PLOD1: variants seen among roughly 807,000 people sequenced by gnomAD.
PLOD1 encodes lysine hydroxylase.
PLOD1 carries 70 observed loss-of-function variants against 94.7 expected under a neutral mutation model. The observed-to-expected ratio is 0.74, with a 90% CI of 0.61 to 0.90. The LOEUF is 0.90. Ranked by LOEUF, PLOD1 falls within the 40% of genes least tolerant of loss-of-function variation. PLOD1 has a pLI of 0.00. For missense variants in PLOD1, 905 were observed against 972.7 expected, an observed-to-expected ratio of 0.93 and a Z score of 0.93; for synonymous variants, 417 against 400.2, an observed-to-expected ratio of 1.04 and a Z score of -0.50.
At chr1:11,954,998 C>A in intron 6 of PLOD1, 105 bp downstream of exon 6, 2 of 899,000 alleles carry the variant, frequency 2.2e-6, no homozygotes, top group Non-Finnish European at 3.7e-6. Flanking sequence ...TCTTTCTGGC[C>A]ATTGTGCTGA....
intron 9 of PLOD1, 102 bp from the exon 10 acceptor site, chr1:11,960,544 G>A (rs1645770565): frequency 1.1e-6 from 1 of 872,148 alleles, no homozygotes; most frequent in African/African-American, 1.6e-5. Context: ...TGCCAGAGAT[G>A]AAGGGGCACA....
At chr1:11,941,224 CTTTG>C (rs926532738) in intron 1 of PLOD1, among the ~76,000 whole-genome samples, 28 of 152,222 alleles carry the variant, frequency 1.8e-4, no homozygotes, top group Admixed American at 3.3e-4. Context: ...CCTAAAAGTA[CTTTG>C]TTTGTTTGTT....
chr1:11,960,817 T>C, intron 10 of PLOD1, 50 bp downstream of exon 10: 1 of 1,608,206 alleles, frequency 6.2e-7, no homozygotes, highest in Non-Finnish European at 8.5e-7. Context: ...GCAGGGGAGC[T>C]GTGGCTGTGG....
intron 4 of PLOD1, among the ~76,000 whole-genome samples, chr1:11,951,572 T>C (rs1458084762): frequency 6.9e-6 from 1 of 145,448 alleles, no homozygotes; most frequent in Admixed American, 7.0e-5. Flanking sequence ...AAAATAATAC[T>C]ATATTTTTTT....
chr1:11,950,209 A>G, intron 3 of PLOD1, 148 bp from the exon 4 acceptor site: 1 of 792,180 alleles, frequency 1.3e-6, no homozygotes, highest in East Asian at 2.5e-5. Flanking sequence ...GCAGACAGAG[A>G]CAGGTCCATT....
At chr1:11,947,252 A>C (rs1205656211) in intron 1 of PLOD1, among the ~76,000 whole-genome samples, 10 of 150,418 alleles carry the variant, frequency 6.6e-5, no homozygotes, top group African/African-American at 2.5e-4. Context: ...AAAAAAAACA[A>C]AAACAAACAA....
rs899107980 is a variant in PLOD1 at position 11,963,625 on chromosome 1, C to A, written c.1191C>A (p.Ile397=). 2 of 1,593,158 alleles carry A rather than the reference C, an allele frequency of 1.3e-6. No homozygotes were observed. The highest frequency in any genetic ancestry group is 1.7e-6 in the Non-Finnish European group (2 of 1,170,068). ...LTEPNSLRLL[I]QQNKNVIAPL... is the part of the protein sequence containing the mutation. ...AGCCCAACAGCCTGCGGCTGCTGAT[C>A]CAACAGAACAAGTGAGGCTGCTCCG... Residue 397 remains isoleucine, a synonymous_variant, in exon 11 of 19, where the codon ATC becomes ATA. Transcript: ENST00000196061. The surrounding 1 kb of genome is among the most constrained non-coding windows in gnomAD (Gnocchi z 4.3).
chr1:11,961,371 G>A (rs1347499732), intron 10 of PLOD1, among the ~76,000 whole-genome samples: 1 of 152,184 alleles, frequency 6.6e-6, no homozygotes. Context: ...GAAACAGAGC[G>A]AGACCTTGTC....
chr1:11,951,427 G>A (rs912656835), intron 4 of PLOD1, among the ~76,000 whole-genome samples: 1 of 151,802 alleles, frequency 6.6e-6, no homozygotes. Context: ...GTAGCCGGGC[G>A]TGGTGGTACA....
rs1193197262 is a variant in PLOD1, at chr1:11,934,773, C to G, written c.-7C>G. 2 of 1,535,744 alleles carry G rather than the reference C, an allele frequency of 1.3e-6. No individual in the cohort carries two copies. Among genetic ancestry groups the G allele is most frequent in the East Asian group, 5.0e-5 (2 of 40,392 alleles). On this transcript the variant is annotated 5_prime_UTR_variant, in exon 1 of 19. Coordinates refer to ENST00000196061, the MANE Select transcript of PLOD1 (RefSeq NM_000302.4). Reference sequence around the variant, plus strand: ...CGGGTCGGCCGATCGTCCCCCATACCTCGGCCATGCGGCCCCTGCTGCTAC... The same window carrying G: ...CGGGTCGGCCGATCGTCCCCCATACGTCGGCCATGCGGCCCCTGCTGCTAC...
At position 11,964,734 on chromosome 1, in the gene PLOD1, C is replaced by A; in HGVS notation, c.1419C>A (p.His473Gln). 6.2e-7 allele frequency: 1 copy of A among 1,613,742 alleles called. No homozygotes were observed. Among genetic ancestry groups the A allele is most frequent in the Non-Finnish European group, 8.5e-7 (1 of 1,180,006 alleles). The change falls in exon 13 of 19, where the codon CAC becomes CAA. Residue 473 changes from histidine to glutamine, a missense_variant. Physicochemically the swap from His to Gln is conservative, Grantham distance 24 (BLOSUM62 0). Coordinates refer to ENST00000196061, the MANE Select transcript of PLOD1 (RefSeq NM_000302.4). ...AGCTGCAGTCCTCAGATCTCTTCCA[C>A]CACAGCAAGCTGGACCCCGACATGG... ...RGELQSSDLF[H>Q]HSKLDPDMAF...
chr1:11,950,625 T>A (rs1645694501), intron 4 of PLOD1, 105 bp downstream of exon 4: 1 of 988,880 alleles, frequency 1.0e-6, no homozygotes, highest in Non-Finnish European at 1.6e-6. Context: ...CTCACAGGTC[T>A]CCAGTGCAGA....
chr1:11,964,294 G>A lies in PLOD1; in HGVS notation c.1322G>A (p.Arg441Gln), dbSNP rs934141011. Residue 441 changes from arginine (R) to glutamine (Q), a missense_variant, in exon 12 of 19, where the codon CGG (arginine) becomes CAG (glutamine). By Grantham distance (43) the Arg-to-Gln change is conservative. Transcript: ENST00000196061. ...SEDYVDIVQG[R>Q]RVGVWNVPYI... ...GACTACGTGGACATTGTGCAGGGGC[G>A]GCGTGTGTGAGTACCTGCAGGGTGG... 8.7e-6 allele frequency: 14 copies of A among 1,611,278 alleles called. No individual in the cohort carries two copies. Among genetic ancestry groups the A allele is most frequent in the Admixed American group, 1.7e-5 (1 of 59,826 alleles).
intron 4 of PLOD1, among the ~76,000 whole-genome samples, chr1:11,951,198 A>G (rs1335864203): frequency 6.6e-6 from 1 of 152,022 alleles, no homozygotes; most frequent in Non-Finnish European, 1.5e-5. Flanking sequence ...GAGCCTCCTT[A>G]CTGCTCTGCC....
rs1645727887 is a variant in PLOD1 at position 11,954,913 on chromosome 1, A to G, written c.643+20A>G. 1 of 1,589,712 alleles carries G rather than the reference A, an allele frequency of 6.3e-7. No homozygotes were observed. The highest frequency in any genetic ancestry group is 8.6e-7 in the Non-Finnish European group (1 of 1,158,014). ...CCTTGGGTGAGCAGCCCCCACGGGG[A>G]GGGGTGGATCCTCAGAGGGGTGATA... is the stretch of plus-strand genomic sequence containing the variant. On this transcript the variant is annotated intron_variant, in intron 6 of 18. Transcript: ENST00000196061.
chr1:11,949,396 G>A (rs1218853645), intron 2 of PLOD1, among the ~76,000 whole-genome samples: 3 of 151,974 alleles, frequency 2.0e-5, no homozygotes. Flanking sequence ...AGAGTTGCTG[G>A]ACCCACAGGA....
chr1:11,965,240 A>AT (rs1362215829), intron 13 of PLOD1, among the ~76,000 whole-genome samples: 1 of 149,232 alleles, frequency 6.7e-6, no homozygotes, highest in Non-Finnish European at 1.5e-5. Flanking sequence ...TCTTTTACGC[A>AT]TTTTTTCTTT....
chr1:11,968,110 TC>T (rs1409812809), intron 16 of PLOD1, among the ~76,000 whole-genome samples: 2 of 151,862 alleles, frequency 1.3e-5, no homozygotes, highest in African/African-American at 2.4e-5. Flanking sequence ...TGTGCCACCA[TC>T]CCTGGCTAAT....
At chr1:11,941,830 T>C (rs549540727) in intron 1 of PLOD1, among the ~76,000 whole-genome samples, 2 of 152,116 alleles carry the variant, frequency 1.3e-5, no homozygotes, top group South Asian at 4.1e-4. Context: ...CAGTATGTAA[T>C]ATGCACCACT....
Sources: gnomAD v4.1 joint callset for allele counts (sites outside exome capture counted in the v4.1 genomes callset) on GRCh38, gnomAD v4.1.1 for gene constraint, Gnocchi (gnomAD v3.1) non-coding constraint, MANE v1.5 for transcripts, NCBI Gene and HGNC (gene_info 2026-07-23, HGNC 2026-07-21) for gene names.